LRBA: variants seen among roughly 807,000 people sequenced by gnomAD.
LRBA encodes LPS responsive beige-like anchor protein.
Under a neutral mutation model 330.0 loss-of-function variants are expected in LRBA, and 176 were observed. The observed-to-expected ratio is 0.53, with a 90% CI of 0.47 to 0.60. The LOEUF is 0.60. Among genes scored for constraint, LRBA ranks in the 20% least tolerant of loss-of-function variants. The pLI is 0.00. For missense variants in LRBA, 3,259 were observed against 3,444.8 expected, an observed-to-expected ratio of 0.95 and a Z score of 1.35; for synonymous variants, 1,230 against 1,193.0, an observed-to-expected ratio of 1.03 and a Z score of -0.64.
chr4:150,478,484 C>A (rs940889954), intron 42 of LRBA, among the ~76,000 whole-genome samples: 1 of 152,130 alleles, frequency 6.6e-6, no homozygotes. Context: ...CATCACCCCC[C>A]AAATCTCTGA....
At chr4:150,564,153 A>AAC (rs1413646108) in intron 40 of LRBA, among the ~76,000 whole-genome samples, 2 of 152,210 alleles carry the variant, frequency 1.3e-5, no homozygotes, top group Non-Finnish European at 2.9e-5. Context: ...AGGCTACCGT[A>AAC]ACCAAAACAG....
At chr4:150,357,573 T>C (rs1377099874) in intron 47 of LRBA, among the ~76,000 whole-genome samples, 3 of 151,956 alleles carry the variant, frequency 2.0e-5, no homozygotes, top group African/African-American at 7.2e-5. Context: ...TTAGGTCACT[T>C]TTCATCTAAA....
At chr4:150,896,019 T>C (rs1038655857) in intron 16 of LRBA, among the ~76,000 whole-genome samples, 2 of 152,214 alleles carry the variant, frequency 1.3e-5, no homozygotes, top group African/African-American at 4.8e-5. Context: ...TATCTGAACA[T>C]GTAAAGTCAG....
Position 150,908,336 on chromosome 4 carries a change from T to G in LRBA, c.1491A>C (p.Ile497=), listed in dbSNP as rs755020400. 5 of 1,608,142 alleles carry G rather than the reference T, an allele frequency of 3.1e-6. No individual in the cohort carries two copies. In the African/African-American group the frequency reaches 6.7e-5, roughly 22 times the overall value. Residue 497 remains isoleucine (I), a splice_region_variant and synonymous_variant, in exon 11 of 57, where the codon ATA becomes ATC. Coordinates refer to ENST00000651943, the MANE Select transcript of LRBA (RefSeq NM_001364905.1). ...AAGAAACAAATAAAGGCACTCACCA[T>G]ATAGTCAAATCAATCTCATCAGACA... ...QYLSDEIDLT[I]CSTLLAFIME... is the part of the protein sequence containing the mutation.
chr4:150,918,610 C>A (rs1021133706), intron 5 of LRBA, among the ~76,000 whole-genome samples: 7 of 152,100 alleles, frequency 4.6e-5, no homozygotes, highest in Non-Finnish European at 1.0e-4. Context: ...GTTAGCTGGG[C>A]ATGGTGGTAC....
chr4:150,682,176 A>C (rs1417420031), intron 37 of LRBA, among the ~76,000 whole-genome samples: 3 of 152,222 alleles, frequency 2.0e-5, no homozygotes, highest in Non-Finnish European at 4.4e-5. Flanking sequence ...TATGCATCAG[A>C]GTAATATCCT....
chr4:150,996,342 C>T (rs1409758982), intron 2 of LRBA, among the ~76,000 whole-genome samples: 2 of 152,086 alleles, frequency 1.3e-5, no homozygotes, highest in Non-Finnish European at 2.9e-5. Flanking sequence ...TCTGATTTTT[C>T]TTTTCTTCCA....
intron 22 of LRBA, among the ~76,000 whole-genome samples, chr4:150,866,755 A>G (rs1166232098): frequency 1.3e-5 from 2 of 152,220 alleles, no homozygotes; most frequent in Non-Finnish European, 2.9e-5. Flanking sequence ...ATACATTACA[A>G]TTGAGAAAAT....
intron 36 of LRBA, among the ~76,000 whole-genome samples, chr4:150,730,692 A>AG (rs1050624812): frequency 6.6e-6 from 1 of 151,028 alleles, no homozygotes; most frequent in African/African-American, 2.4e-5. Context: ...AAAAAAAAAA[A>AG]AAAGAAAGAA....
rs377316013 is a variant in LRBA at position 150,415,216 on chromosome 4, GTAACT to G, written c.7194+217_7194+221del. On this transcript the variant is annotated intron_variant, in intron 47 of 56. Coordinates refer to ENST00000651943, the MANE Select transcript of LRBA (RefSeq NM_001364905.1). ...TTTGAATCATCATGTATATATGAAT[GTAACT>G]TAACTTCTGCATAAAAGAAACTATT... 1.9e-3 allele frequency among the ~76,000 whole-genome samples: 288 copies of G among 152,278 alleles called. 3 individuals are homozygous for G. The highest frequency in any genetic ancestry group is 6.6e-3 in the African/African-American group (276 of 41,554).
At chr4:150,874,717 C>A (rs1175738903) in intron 17 of LRBA, among the ~76,000 whole-genome samples, 1 of 152,068 alleles carries the variant, frequency 6.6e-6, no homozygotes, top group Non-Finnish European at 1.5e-5. Context: ...CCACCCCACC[C>A]TTCGTAGACA....
At chr4:150,506,567 G>T (rs1581523361) in intron 40 of LRBA, among the ~76,000 whole-genome samples, 1 of 152,296 alleles carries the variant, frequency 6.6e-6, no homozygotes, top group East Asian at 1.9e-4. Context: ...AGGTATTAAT[G>T]GGACATATCT....
At chr4:150,425,147 C>T (rs1372341017) in intron 46 of LRBA, among the ~76,000 whole-genome samples, 4 of 152,154 alleles carry the variant, frequency 2.6e-5, no homozygotes, top group Non-Finnish European at 5.9e-5. Flanking sequence ...TCTCTTTTGA[C>T]AGATGAAATG....
intron 40 of LRBA, among the ~76,000 whole-genome samples, chr4:150,510,929 C>T (rs543929943): frequency 1.2e-4 from 19 of 152,214 alleles, no homozygotes; most frequent in African/African-American, 4.3e-4. Context: ...GATCTTGGCT[C>T]ACTGCAACCT....
intron 47 of LRBA, among the ~76,000 whole-genome samples, chr4:150,363,536 C>T (rs916369631): frequency 1.3e-5 from 2 of 152,050 alleles, no homozygotes; most frequent in Non-Finnish European, 2.9e-5. Flanking sequence ...TATCTATTTC[C>T]CTTACAAAAC....
chr4:150,454,380 A>G (rs1352945984), intron 44 of LRBA, among the ~76,000 whole-genome samples: 1 of 152,148 alleles, frequency 6.6e-6, no homozygotes, highest in African/African-American at 2.4e-5. Context: ...AAAGAAGGCA[A>G]TATCTCAAGT....
intron 34 of LRBA, among the ~76,000 whole-genome samples, chr4:150,771,606 T>C (rs765336646): frequency 4.6e-5 from 7 of 152,134 alleles, no homozygotes; most frequent in Admixed American, 1.3e-4. Context: ...GCCCCTTCTA[T>C]GATGGAAGGG....
intron 35 of LRBA, among the ~76,000 whole-genome samples, chr4:150,742,150 A>ATTT (rs70941435): frequency 9.0e-5 from 13 of 145,210 alleles, no homozygotes; most frequent in African/African-American, 3.1e-4. Context: ...TATTATTATT[A>ATTT]TTTTTTTTTT....
intron 5 of LRBA, among the ~76,000 whole-genome samples, chr4:150,919,440 G>A (rs577095735): frequency 9.5e-4 from 145 of 152,244 alleles, no homozygotes; most frequent in African/African-American, 3.2e-3. Context: ...ATGCATTTAT[G>A]TATACATATT....
Sources: allele counts gnomAD v4.1 joint callset (sites outside exome capture counted in the v4.1 genomes callset), GRCh38; gene constraint gnomAD v4.1.1; transcripts MANE v1.5; gene names NCBI Gene and HGNC (gene_info 2026-07-23, HGNC 2026-07-21).